Variants in SOX5 observed in about 807,000 individuals in gnomAD.
SOX5 encodes transcription factor SOX-5.
SOX5 carries 9 observed loss-of-function variants against 92.0 expected under a neutral mutation model. The observed-to-expected ratio is 0.10, with a 90% confidence interval of 0.06 to 0.17. SOX5 has a LOEUF of 0.17. Among genes scored for constraint, SOX5 ranks in the 10% least tolerant of loss-of-function variants. The pLI, the probability that SOX5 is intolerant of heterozygous loss-of-function variation, is 1.00. For missense variants in SOX5, 642 were observed against 944.5 expected (o/e 0.68, Z 4.20); for synonymous variants, 344 against 336.3 (o/e 1.02, Z -0.25).
intron 1 of SOX5, among the ~76,000 whole-genome samples, chr12:24,530,324 T>C (rs1479893248): frequency 6.6e-6 from 1 of 152,242 alleles, no homozygotes; most frequent in Admixed American, 6.5e-5. Flanking sequence ...GTGACCTAGA[T>C]GATGTCGTCG....
At chr12:23,729,228 T>TAA (rs2093294759) in intron 6 of SOX5, among the ~76,000 whole-genome samples, 1 of 152,160 alleles carries the variant, frequency 6.6e-6, no homozygotes, top group African/African-American at 2.4e-5. Context: ...TTATATTTCC[T>TAA]TTTTTATAGA....
At chr12:24,390,760 G>T (rs79484416) in intron 1 of SOX5, among the ~76,000 whole-genome samples, 3,666 of 152,130 alleles carry the variant, frequency 0.024, 70 homozygotes, top group East Asian at 0.048. Flanking sequence ...CATTCTTTTT[G>T]AGGGCTGAGT....
At chr12:24,018,759 T>C (rs1011615152) in intron 4 of SOX5, among the ~76,000 whole-genome samples, 5 of 151,786 alleles carry the variant, frequency 3.3e-5, no homozygotes, top group East Asian at 1.9e-4. Context: ...ATCACACCCA[T>C]TGCACTCCAG....
intron 1 of SOX5, among the ~76,000 whole-genome samples, chr12:24,537,750 C>T (rs1411614210): frequency 6.6e-6 from 1 of 152,188 alleles, no homozygotes; most frequent in Non-Finnish European, 1.5e-5. Context: ...GTTAAAGCAC[C>T]TCCCTGTTGA....
At chr12:23,616,716 A>G (rs1454824819) in intron 8 of SOX5, among the ~76,000 whole-genome samples, 1 of 152,202 alleles carries the variant, frequency 6.6e-6, no homozygotes, top group Admixed American at 6.5e-5. Context: ...CATAATTGAA[A>G]AAACAAAGTT....
At chr12:24,490,554 C>T (rs1230641939) in intron 1 of SOX5, among the ~76,000 whole-genome samples, 1 of 151,940 alleles carries the variant, frequency 6.6e-6, no homozygotes, top group Admixed American at 6.6e-5. Context: ...GAAACCCAAA[C>T]AGCAATTTTT....
intron 4 of SOX5, among the ~76,000 whole-genome samples, chr12:24,018,240 AC>A (rs1953882427): frequency 6.6e-6 from 1 of 152,182 alleles, no homozygotes; most frequent in African/African-American, 2.4e-5. Context: ...TAAAATATGG[AC>A]TAAAATATCT....
intron 3 of SOX5, among the ~76,000 whole-genome samples, chr12:24,241,022 G>A (rs1965465066): frequency 6.6e-6 from 1 of 152,156 alleles, no homozygotes. Flanking sequence ...CCATGAAATA[G>A]AAAGATTGGT....
At chr12:23,908,869 T>A (rs1225756469) in intron 1 of SOX5, among the ~76,000 whole-genome samples, 1 of 152,096 alleles carries the variant, frequency 6.6e-6, no homozygotes, top group African/African-American at 2.4e-5. Flanking sequence ...TCCATAAGCT[T>A]TCCTATTTTT....
Position 24,189,659 on chromosome 12 carries a change from T to C in SOX5, c.-2+23684A>G, listed in dbSNP as rs138692022. On this transcript the variant is annotated intron_variant, in intron 4 of 4. Coordinates refer to the SOX5 transcript ENST00000446891. ...GGCCCACAATTCCATAAATAGCTGT[T>C]GTTTTTTAGTTTGTCGATTCTAGTT... Among the ~76,000 whole-genome samples the C allele has an allele frequency of 7.8e-3, 1,187 of 152,318 alleles. 7 individuals are homozygous for C. The highest frequency in any genetic ancestry group is 0.014 in the Non-Finnish European group (968 of 68,022).
intron 1 of SOX5, among the ~76,000 whole-genome samples, chr12:24,394,125 G>A (rs987986684): frequency 6.6e-6 from 1 of 152,080 alleles, no homozygotes; most frequent in South Asian, 2.1e-4. Context: ...ATCAGAGTGG[G>A]TTTTATCACA....
chr12:23,854,465 A>G (rs2096666328), intron 2 of SOX5, among the ~76,000 whole-genome samples: 1 of 152,098 alleles, frequency 6.6e-6, no homozygotes, highest in Non-Finnish European at 1.5e-5. Flanking sequence ...ATATAATTGT[A>G]TAATCTAGGG....
At chr12:24,421,340 A>T (rs1034979128) in intron 1 of SOX5, among the ~76,000 whole-genome samples, 1 of 152,134 alleles carries the variant, frequency 6.6e-6, no homozygotes, top group Non-Finnish European at 1.5e-5. Flanking sequence ...ATAAAGAAAA[A>T]ATGACAAGAA....
intron 3 of SOX5, among the ~76,000 whole-genome samples, chr12:23,815,437 T>A (rs2095970945): frequency 6.6e-6 from 1 of 152,204 alleles, no homozygotes. Context: ...GAACACCTAA[T>A]CAACACCAAT....
chr12:23,557,471 G>T (rs1945378553), intron 11 of SOX5, among the ~76,000 whole-genome samples: 1 of 152,158 alleles, frequency 6.6e-6, no homozygotes, highest in Non-Finnish European at 1.5e-5. Flanking sequence ...TAAATTCTCT[G>T]CCTTAAGAGA....
chr12:24,111,622 T>C (rs1351207229), intron 4 of SOX5, among the ~76,000 whole-genome samples: 2 of 152,234 alleles, frequency 1.3e-5, no homozygotes, highest in African/African-American at 4.8e-5. Flanking sequence ...CTTCAATCTC[T>C]ACTGATTCTT....
intron 3 of SOX5, among the ~76,000 whole-genome samples, chr12:23,807,310 A>G (rs1173638305): frequency 2.0e-5 from 3 of 152,306 alleles, no homozygotes; most frequent in African/African-American, 7.2e-5. Context: ...CTTACTTGGG[A>G]CACTTCATTA....
In SOX5 at chr12:23,821,242, T is replaced by C. The variant is rs570122186; in HGVS notation, c.481+24741A>G. On this transcript the variant is annotated intron_variant, in intron 3 of 14. Transcript: ENST00000451604. Reference sequence around the variant, plus strand: ...TCTCTTTTTGTCTATTTTTGATGTATAGGAATGCTTGTGATTTTTGTACAT... The same window carrying C: ...TCTCTTTTTGTCTATTTTTGATGTACAGGAATGCTTGTGATTTTTGTACAT... Among the ~76,000 whole-genome samples the C allele has an allele frequency of 2.6e-5, 4 of 152,320 alleles. No individual in the cohort carries two copies. In the East Asian group the frequency reaches 7.7e-4, roughly 29 times the overall value.
At chr12:24,211,566 T>C (rs1958615390) in intron 4 of SOX5, among the ~76,000 whole-genome samples, 1 of 152,256 alleles carries the variant, frequency 6.6e-6, no homozygotes, top group Admixed American at 6.5e-5. Context: ...GCATTCTTTA[T>C]CAAATGATAA....
Sources: allele counts gnomAD v4.1 joint callset (sites outside exome capture counted in the v4.1 genomes callset), GRCh38; gene constraint gnomAD v4.1.1; transcripts MANE v1.5; gene names NCBI Gene and HGNC (gene_info 2026-07-23, HGNC 2026-07-21).